MAPK10: variants seen among roughly 807,000 people sequenced by gnomAD.
MAPK10 encodes JNK3 alpha protein kinase.
MAPK10 carries 25 observed loss-of-function variants against 59.3 expected under a neutral mutation model. The ratio of observed to expected loss-of-function variants is 0.42; its 90% confidence interval spans 0.31 to 0.59. The LOEUF (loss-of-function observed/expected upper bound fraction) is 0.59, where lower values mean the gene tolerates loss of function less well. MAPK10 is among the 20% of genes least tolerant of loss of function. The pLI, the probability that MAPK10 is intolerant of heterozygous loss-of-function variation, is 0.15. For missense variants in MAPK10, 351 were observed against 568.9 expected, an observed-to-expected ratio of 0.62 and a Z score of 3.90; for synonymous variants, 190 against 200.5, an observed-to-expected ratio of 0.95 and a Z score of 0.44.
At chr4:86,420,364 C>T (rs986670832) in intron 1 of MAPK10, among the ~76,000 whole-genome samples, 1 of 152,164 alleles carries the variant, frequency 6.6e-6, no homozygotes, top group Non-Finnish European at 1.5e-5. Context: ...GGAACAAGTT[C>T]CTGTTGTTAG....
At chr4:86,553,865 G>A (rs963148965) in intron 1 of MAPK10, among the ~76,000 whole-genome samples, 2 of 150,786 alleles carry the variant, frequency 1.3e-5, no homozygotes, top group Admixed American at 1.3e-4. Flanking sequence ...TTCTTTAATA[G>A]TTCCTTCTCT....
intron 4 of MAPK10, among the ~76,000 whole-genome samples, chr4:86,128,887 T>G (rs2060530586): frequency 6.6e-6 from 1 of 152,086 alleles, no homozygotes; most frequent in South Asian, 2.1e-4. Flanking sequence ...CTTTCCTTAT[T>G]ATTAAAGCAA....
intron 1 of MAPK10, among the ~76,000 whole-genome samples, chr4:86,503,682 C>T (rs1013881045): frequency 6.6e-6 from 1 of 152,110 alleles, no homozygotes; most frequent in Non-Finnish European, 1.5e-5. Flanking sequence ...CACAAACAGC[C>T]ATGGTAATTA....
At chr4:86,411,494 C>A (rs1267219388) in intron 1 of MAPK10, among the ~76,000 whole-genome samples, 3 of 152,152 alleles carry the variant, frequency 2.0e-5, no homozygotes, top group Non-Finnish European at 4.4e-5. Context: ...CTAATATTGA[C>A]AGTGGAGTGT....
At chr4:86,184,537 C>A (rs2077698529) in intron 3 of MAPK10, among the ~76,000 whole-genome samples, 1 of 152,098 alleles carries the variant, frequency 6.6e-6, no homozygotes. Context: ...CCCTTCAAAT[C>A]TCATGTTAAA....
At chr4:86,300,776 A>G (rs1180853252) in intron 2 of MAPK10, 3 of 152,030 alleles carry the variant, frequency 2.0e-5, no homozygotes, top group Non-Finnish European at 4.4e-5. Context: ...CCGGCAAGAT[A>G]ACTATGTACC....
chr4:86,155,205 AAT>A (rs1310649658), intron 4 of MAPK10, among the ~76,000 whole-genome samples: 23 of 152,102 alleles, frequency 1.5e-4, no homozygotes, highest in Middle Eastern at 6.8e-3. Context: ...TTCAAAGAAG[AAT>A]ATGTGAACAC....
chr4:86,382,932 A>C (rs1041197252), intron 1 of MAPK10, among the ~76,000 whole-genome samples: 1 of 152,154 alleles, frequency 6.6e-6, no homozygotes, highest in Non-Finnish European at 1.5e-5. Context: ...ACCTTGAGTG[A>C]GCTGTCTAAC....
intron 2 of MAPK10, among the ~76,000 whole-genome samples, chr4:86,220,387 T>C (rs555406540): frequency 4.7e-4 from 72 of 152,162 alleles, no homozygotes; most frequent in Admixed American, 9.8e-4. Context: ...TAATTTGACC[T>C]CTGCATATTG....
At chr4:86,073,347 C>A (rs1233474497) in intron 9 of MAPK10, among the ~76,000 whole-genome samples, 2 of 151,872 alleles carry the variant, frequency 1.3e-5, no homozygotes, top group African/African-American at 4.8e-5. Context: ...AAAACCAGCT[C>A]CTGGATTCAC....
intron 2 of MAPK10, chr4:86,322,172 G>C (rs2095909912): frequency 6.6e-6 from 1 of 152,186 alleles, no homozygotes; most frequent in African/African-American, 2.4e-5. Flanking sequence ...AGCATGTTTT[G>C]TGTCATGAGA....
intron 1 of MAPK10, among the ~76,000 whole-genome samples, chr4:86,584,004 A>G (rs982535554): frequency 3.3e-5 from 5 of 152,198 alleles, no homozygotes; most frequent in African/African-American, 4.8e-5. Flanking sequence ...GTTAAAAGAC[A>G]GGTAATGAAT....
chr4:86,031,926 AT>A (rs1317087717), intron 11 of MAPK10: 9 of 152,744 alleles, frequency 5.9e-5, no homozygotes, highest in African/African-American at 2.2e-4. Context: ...TATAAAAAAA[AT>A]TGAGATCAAA....
chr4:86,039,527 T>A (rs1024583839), intron 11 of MAPK10, among the ~76,000 whole-genome samples: 1 of 152,164 alleles, frequency 6.6e-6, no homozygotes, highest in South Asian at 2.1e-4. Context: ...CAGGGGCTTA[T>A]AGCCTTAGAC....
intron 2 of MAPK10, among the ~76,000 whole-genome samples, chr4:86,267,874 C>T (rs568804816): frequency 1.3e-5 from 2 of 152,290 alleles, no homozygotes; most frequent in African/African-American, 4.8e-5. Context: ...TATCCATAGA[C>T]ATTGTTAACA....
At chr4:86,355,657 G>T (rs1734051459) in intron 1 of MAPK10, among the ~76,000 whole-genome samples, 1 of 152,088 alleles carries the variant, frequency 6.6e-6, no homozygotes, top group Admixed American at 6.6e-5. Flanking sequence ...TGAATATTTG[G>T]TGTGTCCCTA....
intron 11 of MAPK10, among the ~76,000 whole-genome samples, chr4:86,051,673 T>C (rs1203918669): frequency 6.6e-6 from 1 of 152,244 alleles, no homozygotes; most frequent in Non-Finnish European, 1.5e-5. Flanking sequence ...CTTTCTCTGC[T>C]AGACTGTCAA....
intron 2 of MAPK10, chr4:86,327,772 T>C (rs1454715972): frequency 2.4e-5 from 1 of 41,244 alleles, no homozygotes; most frequent in Non-Finnish European, 5.5e-5. Flanking sequence ...AAACCCCATC[T>C]CTACTAAAAA....
intron 4 of MAPK10, chr4:86,158,913 C>T (rs558404826): frequency 1.9e-5 from 3 of 156,966 alleles, no homozygotes; most frequent in Non-Finnish European, 2.8e-5. Flanking sequence ...TTTTATTCCA[C>T]TCTAGCATAT....
Sources: allele counts gnomAD v4.1 joint callset (sites outside exome capture counted in the v4.1 genomes callset), GRCh38; gene constraint gnomAD v4.1.1; transcripts MANE v1.5; gene names NCBI Gene and HGNC (gene_info 2026-07-23, HGNC 2026-07-21).